The following NRG3 variants were observed in gnomAD, a reference collection of about 807,000 sequenced individuals.
NRG3 encodes neuregulin 3, also known as pro-neuregulin-3, membrane-bound isoform.
A neutral mutation model predicts 66.9 loss-of-function variants in NRG3; 31 were observed. The observed-to-expected ratio is 0.46, with a 90% confidence interval of 0.35 to 0.63. The LOEUF (loss-of-function observed/expected upper bound fraction) is 0.63, where lower values mean the gene tolerates loss of function less well. NRG3 is among the 20% of genes least tolerant of loss of function. The pLI, the probability that NRG3 is intolerant of heterozygous loss-of-function variation, is 0.00. For missense variants in NRG3, 910 were observed against 878.9 expected, an observed-to-expected ratio of 1.04 and a Z score of -0.45; for synonymous variants, 393 against 359.4, an observed-to-expected ratio of 1.09 and a Z score of -1.06.
At position 82,985,418 on chromosome 10, in the gene NRG3, A is replaced by G; in HGVS notation, c.1904A>G (p.Gln635Arg). ...QEVKILLETV[Q>R]EQIRILTDAR... The stretch of plus-strand genomic sequence containing the variant: ...GTGAAAATATTGCTAGAAACTGTCC[A>G]GGAGCAGATCCGAATTCTGACTGAT... Residue 635 changes from glutamine (Q) to arginine (R), a missense_variant, in exon 9 of 9, where the codon CAG (glutamine) becomes CGG (arginine). Coordinates refer to ENST00000372141, the MANE Select transcript of NRG3 (RefSeq NM_001010848.4). The G allele has an allele frequency of 1.2e-6, 2 of 1,614,168 alleles. No homozygotes were observed. The highest frequency in any genetic ancestry group is 1.1e-5 in the South Asian group (1 of 91,082).
At chr10:82,699,022 T>C (rs557773811) in intron 2 of NRG3, among the ~76,000 whole-genome samples, 1 of 152,260 alleles carries the variant, frequency 6.6e-6, no homozygotes, top group South Asian at 2.1e-4. Flanking sequence ...TAATGTCTTA[T>C]TAAGAGGAAG....
chr10:82,368,064 T>C (rs931707550), intron 2 of NRG3, among the ~76,000 whole-genome samples: 1 of 105,240 alleles, frequency 9.5e-6, no homozygotes, highest in East Asian at 3.3e-4. Flanking sequence ...TTCAGTTTTC[T>C]TATCTGTGAA....
chr10:82,593,019 A>G (rs930524812), intron 2 of NRG3, among the ~76,000 whole-genome samples: 6 of 152,080 alleles, frequency 3.9e-5, no homozygotes, highest in Admixed American at 1.3e-4. Flanking sequence ...ACACAATCAA[A>G]TCTCAATTTC....
intron 2 of NRG3, among the ~76,000 whole-genome samples, chr10:82,574,806 T>G (rs1401795413): frequency 6.6e-6 from 1 of 151,796 alleles, no homozygotes; most frequent in African/African-American, 2.4e-5. Context: ...TTAAACATTA[T>G]GTAAATGAAA....
rs77930719 is a variant in NRG3, at chr10:82,938,363, G to A, written c.1055-13106G>A. 2.0e-4 allele frequency among the ~76,000 whole-genome samples: 30 copies of A among 152,290 alleles called. No individual in the cohort carries two copies. The East Asian group carries it at 5.2e-3, about 27-fold the overall frequency. On this transcript the variant is annotated intron_variant, in intron 4 of 8. Coordinates refer to ENST00000372141, the MANE Select transcript of NRG3 (RefSeq NM_001010848.4). ...GGTGTATTTGAGAAGCTCCCGAGGT[G>A]TTTCTAATGTATAGCCAGAGGAGAG...
At chr10:81,949,468 T>A (rs759738394) in intron 1 of NRG3, among the ~76,000 whole-genome samples, 2 of 151,986 alleles carry the variant, frequency 1.3e-5, no homozygotes, top group Non-Finnish European at 2.9e-5. Flanking sequence ...GTCACCTTGT[T>A]TAGGAACTGT....
intron 2 of NRG3, among the ~76,000 whole-genome samples, chr10:82,367,027 C>G (rs1488426673): frequency 1.3e-5 from 2 of 152,030 alleles, no homozygotes; most frequent in African/African-American, 4.8e-5. Flanking sequence ...TAGACAGTGT[C>G]AGATCTCTGG....
intron 2 of NRG3, among the ~76,000 whole-genome samples, chr10:82,541,383 G>A (rs2043530465): frequency 6.6e-6 from 1 of 152,112 alleles, no homozygotes; most frequent in African/African-American, 2.4e-5. Flanking sequence ...ATTCAGCTGG[G>A]AGCATCGGCG....
At chr10:82,201,450 C>G (rs1008720412) in intron 1 of NRG3, among the ~76,000 whole-genome samples, 5 of 152,098 alleles carry the variant, frequency 3.3e-5, no homozygotes, top group African/African-American at 1.2e-4. Context: ...CCTTACGGTG[C>G]TTTAGTCAAC....
chr10:82,838,508 G>A, intron 3 of NRG3, among the ~76,000 whole-genome samples: 1 of 152,090 alleles, frequency 6.6e-6, no homozygotes, highest in Non-Finnish European at 1.5e-5. Flanking sequence ...TATGATGACA[G>A]TCTCATGCTC....
chr10:82,183,960 G>A (rs76114209), intron 1 of NRG3, among the ~76,000 whole-genome samples: 1 of 152,072 alleles, frequency 6.6e-6, no homozygotes, highest in Non-Finnish European at 1.5e-5. Context: ...TGTCTACAGA[G>A]TAAGTCCTGC....
At chr10:82,065,451 A>G (rs571060019) in intron 1 of NRG3, among the ~76,000 whole-genome samples, 3 of 152,292 alleles carry the variant, frequency 2.0e-5, no homozygotes, top group Non-Finnish European at 2.9e-5. Context: ...AGTGAAAGAT[A>G]TATACATTGT....
intron 1 of NRG3, among the ~76,000 whole-genome samples, chr10:82,308,410 C>G (rs2080860604): frequency 6.6e-6 from 1 of 152,064 alleles, no homozygotes; most frequent in Non-Finnish European, 1.5e-5. Context: ...TTTGATGGGG[C>G]TCTCTGAGAT....
chr10:82,641,686 A>G (rs1444045675), intron 2 of NRG3, among the ~76,000 whole-genome samples: 1 of 152,212 alleles, frequency 6.6e-6, no homozygotes, highest in Non-Finnish European at 1.5e-5. Flanking sequence ...GGATTGAAAT[A>G]CATCAAATAT....
intron 1 of NRG3, among the ~76,000 whole-genome samples, chr10:81,964,711 C>T (rs1259394457): frequency 6.6e-6 from 1 of 152,168 alleles, no homozygotes; most frequent in Non-Finnish European, 1.5e-5. Flanking sequence ...CACAGAGAGT[C>T]AACCCCCTAC....
chr10:82,785,667 C>CT (rs1368840097), intron 3 of NRG3, among the ~76,000 whole-genome samples: 2 of 152,122 alleles, frequency 1.3e-5, no homozygotes, highest in Admixed American at 6.6e-5. Flanking sequence ...CAGAAGAAAT[C>CT]TTTAAGCAGC....
chr10:82,812,629 A>G (rs1359185956), intron 3 of NRG3, among the ~76,000 whole-genome samples: 1 of 152,208 alleles, frequency 6.6e-6, no homozygotes, highest in Non-Finnish European at 1.5e-5. Context: ...CAAAAAATGA[A>G]TTTAAAAAGC....
intron 1 of NRG3, among the ~76,000 whole-genome samples, chr10:81,932,358 AC>A (rs1303421706): frequency 6.6e-6 from 1 of 152,148 alleles, no homozygotes; most frequent in Non-Finnish European, 1.5e-5. Flanking sequence ...CATGATCCAC[AC>A]ACCTCCACCA....
intron 2 of NRG3, among the ~76,000 whole-genome samples, chr10:82,597,782 A>G (rs1178113664): frequency 6.6e-6 from 1 of 151,940 alleles, no homozygotes; most frequent in Non-Finnish European, 1.5e-5. Flanking sequence ...TTAGCTGGGC[A>G]TGGTGGCATG....
Sources: gnomAD v4.1 joint callset for allele counts (sites outside exome capture counted in the v4.1 genomes callset) on GRCh38, gnomAD v4.1.1 for gene constraint, MANE v1.5 for transcripts, NCBI Gene and HGNC (gene_info 2026-07-23, HGNC 2026-07-21) for gene names.